Variants in GRM7 observed in about 807,000 individuals in gnomAD.
The protein encoded by GRM7 is metabotropic glutamate receptor 7.
GRM7 carries 35 observed loss-of-function variants against 84.5 expected under a neutral mutation model. The ratio of observed to expected loss-of-function variants is 0.41; its 90% CI spans 0.32 to 0.55. The LOEUF (loss-of-function observed/expected upper bound fraction) is 0.55, where lower values mean the gene tolerates loss of function less well. Among genes scored for constraint, GRM7 ranks in the 20% least tolerant of loss-of-function variants. The probability of loss-of-function intolerance (pLI) is 0.19; values close to 1 mark genes in which losing one functional copy is unlikely to be tolerated. For synonymous variants in GRM7, 487 were observed against 455.1 expected, an observed-to-expected ratio of 1.07 and a Z score of -0.89; for missense variants, 1,003 against 1,194.6, an observed-to-expected ratio of 0.84 and a Z score of 2.36.
chr3:7,228,635 G>A (rs1357450350), intron 2 of GRM7, among the ~76,000 whole-genome samples: 1 of 152,150 alleles, frequency 6.6e-6, no homozygotes, highest in African/African-American at 2.4e-5. Flanking sequence ...GGTTATCTCT[G>A]TGACAGTCCT....
chr3:7,132,305 A>G (rs1693628405), intron 1 of GRM7, among the ~76,000 whole-genome samples: 2 of 152,218 alleles, frequency 1.3e-5, no homozygotes, highest in East Asian at 1.9e-4. Flanking sequence ...TTGGTATGTA[A>G]CAAAACATAA....
intron 4 of GRM7, among the ~76,000 whole-genome samples, chr3:7,345,039 T>C (rs1042169668): frequency 3.9e-5 from 6 of 152,170 alleles, no homozygotes; most frequent in African/African-American, 1.4e-4. Context: ...CCCATAAATA[T>C]GTGCAGTTAT....
chr3:7,033,321 C>A (rs1481271536), intron 1 of GRM7, among the ~76,000 whole-genome samples: 1 of 151,958 alleles, frequency 6.6e-6, no homozygotes, highest in Admixed American at 6.6e-5. Flanking sequence ...AAATGGATTC[C>A]AGGTGGACAT....
intron 8 of GRM7, among the ~76,000 whole-genome samples, chr3:7,637,031 G>C (rs1698130104): frequency 6.6e-6 from 1 of 152,144 alleles, no homozygotes; most frequent in African/African-American, 2.4e-5. Flanking sequence ...CAGATGATTT[G>C]AGGCATTCTA....
chr3:7,513,266 G>C (rs933651330), intron 7 of GRM7, among the ~76,000 whole-genome samples: 3 of 152,160 alleles, frequency 2.0e-5, no homozygotes, highest in Admixed American at 1.3e-4. Flanking sequence ...CATCAAAATA[G>C]TTGTTACTGC....
intron 8 of GRM7, among the ~76,000 whole-genome samples, chr3:7,589,535 G>A (rs3792457): frequency 0.099 from 15,032 of 152,166 alleles, 879 homozygotes; most frequent in African/African-American, 0.16. Flanking sequence ...GTAGAGGCAA[G>A]TTAATGGCAC....
Position 7,550,038 on chromosome 3 carries a change from T to A in GRM7, c.1516-28384T>A, listed in dbSNP as rs534853439. Among the ~76,000 whole-genome samples the A allele has an allele frequency of 6.6e-5, 10 of 152,270 alleles. No homozygotes were observed. The East Asian group carries it at 1.9e-3, about 29-fold the overall frequency. Reference sequence around the variant, plus strand: ...AATAAAATTTGGATTTTTACCACCATCATCCTCCCCCTCTTTACATAAAGT... The same window carrying A: ...AATAAAATTTGGATTTTTACCACCAACATCCTCCCCCTCTTTACATAAAGT... On this transcript the variant is annotated intron_variant, in intron 7 of 9. Coordinates refer to ENST00000357716, the MANE Select transcript of GRM7 (RefSeq NM_000844.4).
intron 4 of GRM7, among the ~76,000 whole-genome samples, chr3:7,367,342 TATC>T (rs1255739587): frequency 1.3e-5 from 2 of 151,896 alleles, no homozygotes; most frequent in Non-Finnish European, 2.9e-5. Flanking sequence ...TGGATTTTAA[TATC>T]ATTGAATTCT....
intron 1 of GRM7, among the ~76,000 whole-genome samples, chr3:6,916,246 TA>T (rs1253720685): frequency 2.6e-5 from 4 of 152,108 alleles, no homozygotes; most frequent in African/African-American, 9.7e-5. Context: ...GTACTAAAGG[TA>T]CCCACAGGAA....
At chr3:7,233,156 A>C (rs1386496348) in intron 2 of GRM7, among the ~76,000 whole-genome samples, 1 of 152,190 alleles carries the variant, frequency 6.6e-6, no homozygotes, top group Non-Finnish European at 1.5e-5. Context: ...AGAGAATAGA[A>C]TATATATGTC....
At chr3:7,090,398 T>G (rs1698619431) in intron 1 of GRM7, among the ~76,000 whole-genome samples, 4 of 152,166 alleles carry the variant, frequency 2.6e-5, no homozygotes, top group Admixed American at 2.6e-4. Context: ...ACACTGAGAA[T>G]GAGATAGTGG....
chr3:7,007,101 G>C (rs58674863), intron 1 of GRM7, among the ~76,000 whole-genome samples: 8,912 of 152,222 alleles, frequency 0.059, 833 homozygotes, highest in African/African-American at 0.2. Context: ...GCTTAAATTA[G>C]CATTCTTAAA....
intron 8 of GRM7, among the ~76,000 whole-genome samples, chr3:7,613,699 G>T (rs1206613654): frequency 6.6e-6 from 1 of 151,982 alleles, no homozygotes; most frequent in African/African-American, 2.4e-5. Flanking sequence ...CCTCTCTAAG[G>T]CCCCTTCCAG....
At chr3:7,354,637 C>A (rs1321187233) in intron 4 of GRM7, among the ~76,000 whole-genome samples, 1 of 152,112 alleles carries the variant, frequency 6.6e-6, no homozygotes, top group Non-Finnish European at 1.5e-5. Context: ...CCCACATCCC[C>A]ATTCTATTTT....
intron 7 of GRM7, among the ~76,000 whole-genome samples, chr3:7,502,574 G>A (rs1699916549): frequency 6.6e-6 from 1 of 152,094 alleles, no homozygotes; most frequent in Admixed American, 6.5e-5. Flanking sequence ...TAATTCTCGT[G>A]TGTGTGTGTA....
chr3:7,451,670 C>G (rs1248520455), intron 5 of GRM7: 2 of 152,118 alleles, frequency 1.3e-5, no homozygotes, highest in African/African-American at 4.8e-5. Context: ...CTCTATAAGG[C>G]TCAGCTTTCC....
chr3:7,161,938 A>C (rs558175759), intron 2 of GRM7, among the ~76,000 whole-genome samples: 1 of 152,358 alleles, frequency 6.6e-6, no homozygotes, highest in Admixed American at 6.5e-5. Flanking sequence ...AATGGAGCTG[A>C]GATGGCAACA....
At chr3:7,495,407 C>A (rs1361593584) in intron 7 of GRM7, among the ~76,000 whole-genome samples, 2 of 152,126 alleles carry the variant, frequency 1.3e-5, no homozygotes, top group Non-Finnish European at 2.9e-5. Flanking sequence ...GGCTCAGGGA[C>A]AAAGGGGCCA....
At chr3:7,561,871 A>G (rs1255666394) in intron 7 of GRM7, among the ~76,000 whole-genome samples, 1 of 152,152 alleles carries the variant, frequency 6.6e-6, no homozygotes, top group African/African-American at 2.4e-5. Context: ...CATACACTTC[A>G]ACAGCCTTCT....
Sources: allele counts gnomAD v4.1 joint callset (sites outside exome capture counted in the v4.1 genomes callset), GRCh38; gene constraint gnomAD v4.1.1; transcripts MANE v1.5; gene names NCBI Gene and HGNC (gene_info 2026-07-23, HGNC 2026-07-21).